The following ATP6V1B1 variants were observed in gnomAD, a reference collection of about 807,000 sequenced individuals.
ATP6V1B1 encodes V-type proton ATPase subunit B, kidney isoform.
ATP6V1B1 carries 41 observed loss-of-function variants against 62.1 expected under a neutral mutation model. The observed-to-expected ratio is 0.66, with a 90% CI of 0.51 to 0.86. The LOEUF is 0.86. ATP6V1B1 is among the 40% of genes least tolerant of loss of function. The probability of loss-of-function intolerance (pLI) is 0.00; values close to 1 mark genes in which losing one functional copy is unlikely to be tolerated. For synonymous variants in ATP6V1B1, 253 were observed against 273.4 expected, an observed-to-expected ratio of 0.93 and a Z score of 0.74; for missense variants, 651 against 697.5, an observed-to-expected ratio of 0.93 and a Z score of 0.75.
In ATP6V1B1 at chr2:70,959,990, C is replaced by T. The variant is rs782187484; in HGVS notation, c.497C>T (p.Thr166Met). The T allele has an allele frequency of 1.4e-5, 22 of 1,614,180 alleles. No individual in the cohort carries two copies. The highest frequency in any genetic ancestry group is 7.7e-5 in the South Asian group (7 of 91,088). ...SRIYPEEMIQ[T>M]GISPIDVMNS... The stretch of plus-strand genomic sequence containing the variant: ...ATCTACCCCGAGGAGATGATTCAGA[C>T]GGGCATTTCTCCTATTGACGTCATG... Residue 166 changes from threonine to methionine, a missense_variant, in exon 6 of 14, where the codon ACG becomes ATG. Transcript: ENST00000234396. The surrounding 1 kb of genome is among the most constrained non-coding windows in gnomAD (Gnocchi z 4.2).
Position 70,960,028 on chromosome 2 carries a change from C to G in ATP6V1B1, c.535C>G (p.Arg179Gly). Residue 179 changes from arginine (R) to glycine (G), a missense_variant, in exon 6 of 14, where the codon CGC (arginine) becomes GGC (glycine). Coordinates refer to ENST00000234396, the MANE Select transcript of ATP6V1B1 (RefSeq NM_001692.4). ...TATTGACGTCATGAACAGCATTGCC[C>G]GCGGCCAGAAGATCCCCATCTTCTC... is the stretch of plus-strand genomic sequence containing the variant. ...SPIDVMNSIARGQKIPIFSAA... is the reference protein window; with the variant it reads ...SPIDVMNSIAGGQKIPIFSAA... 6.2e-7 allele frequency: 1 copy of G among 1,614,188 alleles called. No individual in the cohort carries two copies. The highest frequency in any genetic ancestry group is 8.5e-7 in the Non-Finnish European group (1 of 1,180,036).
At chr2:70,950,833 A>G (rs1234946816) in intron 2 of ATP6V1B1, among the ~76,000 whole-genome samples, 1 of 151,508 alleles carries the variant, frequency 6.6e-6, no homozygotes, top group African/African-American at 2.4e-5. Context: ...AGATAAAAAT[A>G]GTAGTAGGAA....
chr2:70,963,237 T>C lies in ATP6V1B1; in HGVS notation c.985T>C (p.Tyr329His), dbSNP rs1572923051. The C allele has an allele frequency of 6.2e-7, 1 of 1,614,026 alleles. No individual in the cohort carries two copies. The highest frequency in any genetic ancestry group is 8.5e-7 in the Non-Finnish European group (1 of 1,179,998). The part of the protein sequence containing the change: ...GYMYTDLATI[Y>H]ERAGRVEGRG... ...TATGTACACAGACCTGGCCACCATC[T>C]ACGAGCGGGCGGGCCGCGTGGAGGG... Residue 329 changes from tyrosine (Y) to histidine (H), a missense_variant, in exon 10 of 14, where the codon TAC becomes CAC. Coordinates refer to ENST00000234396, the MANE Select transcript of ATP6V1B1 (RefSeq NM_001692.4). The surrounding 1 kb of genome is among the most constrained non-coding windows in gnomAD (Gnocchi z 4.3).
chr2:70,936,832 G>A (rs1679865069), intron 1 of ATP6V1B1, among the ~76,000 whole-genome samples: 1 of 152,194 alleles, frequency 6.6e-6, no homozygotes, highest in Non-Finnish European at 1.5e-5. Context: ...GCGTATCCAG[G>A]TGTGGGGCAT....
intron 1 of ATP6V1B1, chr2:70,941,570 AC>A (rs1680005869): frequency 1.2e-6 from 1 of 810,850 alleles, no homozygotes; most frequent in Non-Finnish European, 1.5e-6. Context: ...CCTTAGGAGC[AC>A]CCACTGCAGT....
At chr2:70,943,087 CTGAGCACCCAG>C (rs1680042947) in intron 1 of ATP6V1B1, among the ~76,000 whole-genome samples, 1 of 152,186 alleles carries the variant, frequency 6.6e-6, no homozygotes, top group East Asian at 1.9e-4. Context: ...CCCTCCCATG[CTGAGCACCCAG>C]TGAGCCTGGG....
At chr2:70,964,090 C>T (rs187191371) in intron 11 of ATP6V1B1, 11 of 306,636 alleles carry the variant, frequency 3.6e-5, no homozygotes, top group Admixed American at 2.8e-4. Flanking sequence ...ACCTCTATGA[C>T]GTTTTTCTCT....
rs1453211657 is a variant in ATP6V1B1, at chr2:70,965,248, G to C, written c.*127G>C. ...CGCCCTCCGCTGGCTCCGAGGTGGT[G>C]GGGGCGCCGCACGCTCCATCCCTTT... is the stretch of plus-strand genomic sequence containing the variant. On this transcript the variant is annotated 3_prime_UTR_variant, in exon 14 of 14. Coordinates refer to ENST00000234396, the MANE Select transcript of ATP6V1B1 (RefSeq NM_001692.4). 1.5e-6 allele frequency: 2 copies of C among 1,348,854 alleles called. No homozygotes were observed. Among genetic ancestry groups the C allele is most frequent in the African/African-American group, 2.9e-5 (2 of 69,166 alleles). 83.6% of individuals were successfully genotyped at this position (1,348,854 alleles called of 1,614,324 possible).
intron 2 of ATP6V1B1, among the ~76,000 whole-genome samples, chr2:70,945,004 T>A (rs1680122338): frequency 6.6e-6 from 1 of 152,136 alleles, no homozygotes; most frequent in Non-Finnish European, 1.5e-5. Context: ...CTGCAAGCCT[T>A]TCCACTCACT....
At chr2:70,945,983 T>C (rs1553417275) in intron 2 of ATP6V1B1, among the ~76,000 whole-genome samples, 2 of 151,842 alleles carry the variant, frequency 1.3e-5, no homozygotes, top group Non-Finnish European at 2.9e-5. Context: ...GATCTGGCCA[T>C]GTATCTCCTC....
At chr2:70,943,144 G>A (rs1056435965) in intron 1 of ATP6V1B1, among the ~76,000 whole-genome samples, 15 of 151,924 alleles carry the variant, frequency 9.9e-5, no homozygotes, top group East Asian at 5.8e-4. Flanking sequence ...CAGAGGCCCC[G>A]TCTGGTTTTT....
chr2:70,941,954 G>A lies in ATP6V1B1; in HGVS notation c.119-1704G>A, dbSNP rs1680015119. ...GAAGGCCAAGGAGAGGGTGGAAGGTGGGGAAGGAAAGCCAGCAGTGGGGGG... is the reference window on the plus strand; with the variant it reads ...GAAGGCCAAGGAGAGGGTGGAAGGTAGGGAAGGAAAGCCAGCAGTGGGGGG... On this transcript the variant is annotated intron_variant, in intron 1 of 13. Coordinates refer to ENST00000234396, the MANE Select transcript of ATP6V1B1 (RefSeq NM_001692.4). 16 of 1,003,374 alleles carry A rather than the reference G, an allele frequency of 1.6e-5. No individual in the cohort carries two copies. The South Asian group carries it at 7.5e-4, about 47-fold the overall frequency. 62.2% of individuals were successfully genotyped at this position (1,003,374 alleles called of 1,614,324 possible).
Position 70,958,046 on chromosome 2 carries a change from T to C in ATP6V1B1, c.175T>C (p.Phe59Leu), listed in dbSNP as rs1553419357. 3 of 1,613,806 alleles carry C rather than the reference T, an allele frequency of 1.9e-6. No individual in the cohort carries two copies. In the South Asian group the frequency reaches 3.3e-5, roughly 18 times the overall value. ...CGTGGCTGCTCTCCCCTCCTGCCAG[T>C]TTGCCCAGTATGCGGAGATCGTCCA... The part of the protein sequence containing the change: ...GPLVVLDRVK[F>L]AQYAEIVHFT... Residue 59 changes from phenylalanine (F) to leucine (L), a missense_variant and splice_region_variant, in exon 3 of 14, where the codon TTT becomes CTT. By Grantham distance (22) the Phe-to-Leu change is conservative. Coordinates refer to ENST00000234396, the MANE Select transcript of ATP6V1B1 (RefSeq NM_001692.4).
chr2:70,945,259 T>C (rs543215552), intron 2 of ATP6V1B1, among the ~76,000 whole-genome samples: 1 of 152,340 alleles, frequency 6.6e-6, no homozygotes, highest in Admixed American at 6.5e-5. Flanking sequence ...TGAAAATATC[T>C]GTGATTTCTG....
intron 1 of ATP6V1B1, among the ~76,000 whole-genome samples, chr2:70,936,552 CA>C (rs1679857853): frequency 6.6e-6 from 1 of 151,952 alleles, no homozygotes; most frequent in African/African-American, 2.4e-5. Context: ...TGCGTCACAT[CA>C]ATGGGTGCAT....
At chr2:70,942,496 A>G (rs1558669226) in intron 1 of ATP6V1B1, 4 of 398,192 alleles carry the variant, frequency 1.0e-5, no homozygotes, top group Non-Finnish European at 1.8e-5. Flanking sequence ...CCAGACTGGG[A>G]AGGGGAGGGA....
intron 7 of ATP6V1B1, 104 bp from the exon 8 acceptor site, chr2:70,961,492 G>GTAGC: frequency 8.2e-7 from 1 of 1,214,016 alleles, no homozygotes; most frequent in South Asian, 1.2e-5. Context: ...CCAGCGACTG[G>GTAGC]TAGCTGGTCA....
chr2:70,943,419 C>A, intron 1 of ATP6V1B1: 1 of 658,120 alleles, frequency 1.5e-6, no homozygotes, highest in Non-Finnish European at 2.8e-6. Flanking sequence ...GAGGAGGCCT[C>A]TGCCCTCTGC....
In ATP6V1B1 at chr2:70,958,134, C is replaced by T. The variant is rs1553419387; in HGVS notation, c.263C>T (p.Ala88Val). The T allele has an allele frequency of 5.0e-6, 8 of 1,613,982 alleles. No homozygotes were observed. The highest frequency in any genetic ancestry group is 2.2e-5 in the East Asian group (1 of 44,872). The change falls in exon 3 of 14, where the codon GCG (alanine) becomes GTG (valine). Residue 88 changes from alanine (A) to valine (V), a missense_variant. Coordinates refer to ENST00000234396, the MANE Select transcript of ATP6V1B1 (RefSeq NM_001692.4). ...GTGCTTGAGGTGGCTGGCACCAAGG[C>T]GATTGTTCAGGTGAGTGGGGTCAAT... is the stretch of plus-strand genomic sequence containing the variant. ...GQVLEVAGTK[A>V]IVQVFEGTSG... is the part of the protein sequence containing the mutation.
Sources: allele counts gnomAD v4.1 joint callset (sites outside exome capture counted in the v4.1 genomes callset), GRCh38; gene constraint gnomAD v4.1.1; non-coding constraint Gnocchi (gnomAD v3.1); transcripts MANE v1.5; gene names NCBI Gene and HGNC (gene_info 2026-07-23, HGNC 2026-07-21).